Variants in RPS6KA2 observed in about 807,000 individuals in gnomAD.
The protein encoded by RPS6KA2 is ribosomal protein S6 kinase alpha-2.
A neutral mutation model predicts 91.8 loss-of-function variants in RPS6KA2; 42 were observed. That is an observed-to-expected ratio of 0.46 (90% CI 0.36 to 0.59). The LOEUF is 0.59. Among genes scored for constraint, RPS6KA2 ranks in the 20% least tolerant of loss-of-function variants. The pLI is 0.00. For missense variants in RPS6KA2, 798 were observed against 978.5 expected (o/e 0.82, Z 2.46); for synonymous variants, 414 against 393.6 (o/e 1.05, Z -0.61).
intron 5 of RPS6KA2, among the ~76,000 whole-genome samples, chr6:166,505,118 C>T (rs534742556): frequency 6.6e-6 from 1 of 152,282 alleles, no homozygotes; most frequent in African/African-American, 2.4e-5. Flanking sequence ...CTGCTGTCAA[C>T]CCAAAGTGGG....
intron 1 of RPS6KA2, among the ~76,000 whole-genome samples, chr6:166,576,602 G>C (rs963255025): frequency 1.3e-5 from 2 of 152,336 alleles, no homozygotes; most frequent in African/African-American, 4.8e-5. Context: ...ACTTAAGAGA[G>C]ATGAGTTCAG....
Position 166,437,802 on chromosome 6 carries a change from C to T in RPS6KA2, c.1333-5312G>A, listed in dbSNP as rs1000809381. On this transcript the variant is annotated intron_variant, in intron 14 of 20. Coordinates refer to ENST00000265678, the MANE Select transcript of RPS6KA2 (RefSeq NM_021135.6). This position sits in a 1 kb window ranked among gnomAD's most constrained non-coding sequence, Gnocchi z 4.3. ...AAGGCGACAACAGGAGACTTCGCTGCTCTTGATAACACCTTTCCTCCTGCT... is the reference window on the plus strand; with the variant it reads ...AAGGCGACAACAGGAGACTTCGCTGTTCTTGATAACACCTTTCCTCCTGCT... Among the ~76,000 whole-genome samples the T allele has an allele frequency of 7.9e-5, 12 of 152,110 alleles. No individual in the cohort carries two copies. The highest frequency in any genetic ancestry group is 3.9e-4 in the Admixed American group (6 of 15,276).
chr6:166,595,041 A>T (rs781653070), intron 1 of RPS6KA2, among the ~76,000 whole-genome samples: 47 of 147,334 alleles, frequency 3.2e-4, no homozygotes, highest in Non-Finnish European at 7.4e-5. Context: ...AAAGAAGTTG[A>T]AATGAATAAT....
chr6:166,521,813 A>C (rs1167099859), intron 3 of RPS6KA2, among the ~76,000 whole-genome samples: 1 of 152,206 alleles, frequency 6.6e-6, no homozygotes, highest in Non-Finnish European at 1.5e-5. Context: ...ACTGGGGTGG[A>C]ACGCCATAGA....
chr6:166,523,653 C>G (rs1350750260), intron 3 of RPS6KA2, among the ~76,000 whole-genome samples: 1 of 152,058 alleles, frequency 6.6e-6, no homozygotes, highest in East Asian at 1.9e-4. Context: ...TTTTTTCTCC[C>G]CTGGGAATCT....
chr6:166,414,531 CA>C (rs1426341613), intron 19 of RPS6KA2, among the ~76,000 whole-genome samples: 1 of 152,232 alleles, frequency 6.6e-6, no homozygotes, highest in Non-Finnish European at 1.5e-5. Context: ...CATTCTATTA[CA>C]GTGAATTACA....
intron 3 of RPS6KA2, among the ~76,000 whole-genome samples, chr6:166,525,378 G>C (rs1782989080): frequency 6.6e-6 from 1 of 152,152 alleles, no homozygotes; most frequent in African/African-American, 2.4e-5. Context: ...GCACCGCCGG[G>C]TCAGAGGGAG....
At chr6:166,696,423 C>A (rs1789360943) in intron 2 of RPS6KA2, among the ~76,000 whole-genome samples, 1 of 152,208 alleles carries the variant, frequency 6.6e-6, no homozygotes, top group African/African-American at 2.4e-5. Flanking sequence ...AGACTAATAT[C>A]TCCACTCTCT....
intron 6 of RPS6KA2, among the ~76,000 whole-genome samples, chr6:166,503,761 TA>T (rs1782101523): frequency 1.3e-5 from 2 of 152,202 alleles, no homozygotes; most frequent in Admixed American, 6.5e-5. Context: ...AAAGAATATG[TA>T]AAAACAACAA....
chr6:166,685,695 T>G (rs1363145402), intron 2 of RPS6KA2, among the ~76,000 whole-genome samples: 3 of 152,136 alleles, frequency 2.0e-5, no homozygotes, highest in African/African-American at 7.2e-5. Flanking sequence ...CTCACGACAA[T>G]TCTATGGGCA....
intron 2 of RPS6KA2, among the ~76,000 whole-genome samples, chr6:166,824,190 G>A (rs983462078): frequency 6.6e-6 from 1 of 152,152 alleles, no homozygotes; most frequent in African/African-American, 2.4e-5. Flanking sequence ...ACATGTACCC[G>A]AGGTGTCATG....
chr6:166,796,627 G>A (rs1779231777), intron 2 of RPS6KA2, among the ~76,000 whole-genome samples: 1 of 152,200 alleles, frequency 6.6e-6, no homozygotes, highest in Non-Finnish European at 1.5e-5. Flanking sequence ...TGTCTTTCCT[G>A]AAGAAATCTA....
At chr6:166,531,431 C>T in intron 2 of RPS6KA2, 118 bp from the exon 3 acceptor site, 1 of 776,998 alleles carries the variant, frequency 1.3e-6, no homozygotes. Context: ...AACAAGTACA[C>T]TGGTGAGAAT....
At chr6:166,803,521 T>C (rs1208906723) in intron 2 of RPS6KA2, among the ~76,000 whole-genome samples, 1 of 152,214 alleles carries the variant, frequency 6.6e-6, no homozygotes, top group African/African-American at 2.4e-5. Flanking sequence ...ATCTAAAAGC[T>C]TTAGAGCCCC....
intron 1 of RPS6KA2, among the ~76,000 whole-genome samples, chr6:166,572,955 T>C (rs573056392): frequency 3.2e-4 from 48 of 152,314 alleles, no homozygotes; most frequent in African/African-American, 1.1e-3. Context: ...AGCCCCTGCG[T>C]GGTCAGAGGG....
chr6:166,790,493 G>A (rs1186750932), intron 2 of RPS6KA2, among the ~76,000 whole-genome samples: 3 of 151,960 alleles, frequency 2.0e-5, no homozygotes, highest in African/African-American at 7.3e-5. Context: ...CCAACATTCA[G>A]ATTCAGGAAA....
chr6:166,676,963 T>A (rs988524765), intron 2 of RPS6KA2, among the ~76,000 whole-genome samples: 2 of 152,074 alleles, frequency 1.3e-5, no homozygotes, highest in African/African-American at 2.4e-5. Flanking sequence ...CACATAGGAG[T>A]AGTGTGTCGT....
Position 166,805,563 on chromosome 6 carries a change from A to T in RPS6KA2, c.123+52637T>A, listed in dbSNP as rs565561435. 3.3e-5 allele frequency among the ~76,000 whole-genome samples: 5 copies of T among 152,338 alleles called. No individual in the cohort carries two copies. The South Asian group carries it at 1.0e-3, about 32-fold the overall frequency. ...CCAGGGAAAGGCACAGACTCAGAAA[A>T]CACCTGCAAATACCTAAAGTCTACA... On this transcript the variant is annotated intron_variant, in intron 2 of 21. Coordinates refer to the RPS6KA2 transcript ENST00000503859.
At chr6:166,701,572 AG>A in intron 2 of RPS6KA2, 1 of 1,428,182 alleles carries the variant, frequency 7.0e-7, no homozygotes, top group South Asian at 1.2e-5. Context: ...CTTGCTGATG[AG>A]GGCTCTGACT....
Sources: gnomAD v4.1 joint callset for allele counts (sites outside exome capture counted in the v4.1 genomes callset) on GRCh38, gnomAD v4.1.1 for gene constraint, Gnocchi (gnomAD v3.1) non-coding constraint, MANE v1.5 for transcripts, NCBI Gene and HGNC (gene_info 2026-07-23, HGNC 2026-07-21) for gene names.